LRRFIP1: variants seen among roughly 807,000 people sequenced by gnomAD.
LRRFIP1 encodes LRR binding FLII interacting protein 1.
A neutral mutation model predicts 104.4 loss-of-function variants in LRRFIP1; 62 were observed. The observed-to-expected ratio is 0.59, with a 90% CI of 0.48 to 0.73. The LOEUF is 0.73. LRRFIP1 is among the 30% of genes least tolerant of loss of function. The pLI, the probability that LRRFIP1 is intolerant of heterozygous loss-of-function variation, is 0.00. For synonymous variants in LRRFIP1, 300 were observed against 299.0 expected, an observed-to-expected ratio of 1.00 and a Z score of -0.03; for missense variants, 796 against 824.5, an observed-to-expected ratio of 0.97 and a Z score of 0.42.
intron 1 of LRRFIP1, among the ~76,000 whole-genome samples, chr2:237,677,952 C>G (rs1197360836): frequency 2.0e-5 from 3 of 152,106 alleles, no homozygotes; most frequent in Admixed American, 2.0e-4. Context: ...GTTTAATATG[C>G]TTTATATTAA....
At chr2:237,723,298 G>T (rs1469711873) in intron 6 of LRRFIP1, among the ~76,000 whole-genome samples, 5 of 152,202 alleles carry the variant, frequency 3.3e-5, no homozygotes, top group Non-Finnish European at 7.3e-5. Context: ...TTATCAAACT[G>T]TTTCAGACTT....
intron 1 of LRRFIP1, among the ~76,000 whole-genome samples, chr2:237,645,549 C>G (rs1327616003): frequency 6.6e-6 from 1 of 151,994 alleles, no homozygotes; most frequent in Non-Finnish European, 1.5e-5. Context: ...CAGGAGCTCT[C>G]TCTGTACTCC....
chr2:237,709,377 C>A (rs959741785), intron 2 of LRRFIP1, among the ~76,000 whole-genome samples: 1 of 152,184 alleles, frequency 6.6e-6, no homozygotes, highest in Non-Finnish European at 1.5e-5. Context: ...AGGGACCATC[C>A]ACACTGAGCC....
intron 19 of LRRFIP1, among the ~76,000 whole-genome samples, chr2:237,761,089 G>T (rs12613077): frequency 0.12 from 18,158 of 152,174 alleles, 2,142 homozygotes; most frequent in African/African-American, 0.3. Flanking sequence ...TCATTTTAAT[G>T]TAGAAGCTTT....
At chr2:237,772,763 T>G in intron 21 of LRRFIP1, 103 bp from the exon 22 acceptor site, 1 of 793,002 alleles carries the variant, frequency 1.3e-6, no homozygotes, top group South Asian at 1.6e-5. Flanking sequence ...CTAACAGATT[T>G]GTGAGATGAT....
At position 237,645,493 on chromosome 2, in the gene LRRFIP1, C is replaced by T. The variant is rs1195098707; in HGVS notation, c.96+17753C>T. Among the ~76,000 whole-genome samples, 4 of 151,988 alleles carry T rather than the reference C, an allele frequency of 2.6e-5. No homozygotes were observed. In the South Asian group the frequency reaches 6.2e-4, roughly 24 times the overall value. On this transcript the variant is annotated intron_variant, in intron 1 of 23. Transcript: ENST00000308482. ...TCCCCTCTCCTCCGACTTGCCACCGCCAAAGCCAGCAGTGACAAAGGAGGT... is the reference window on the plus strand; with the variant it reads ...TCCCCTCTCCTCCGACTTGCCACCGTCAAAGCCAGCAGTGACAAAGGAGGT...
intron 1 of LRRFIP1, among the ~76,000 whole-genome samples, chr2:237,687,907 C>A (rs977727844): frequency 6.6e-6 from 1 of 152,200 alleles, no homozygotes; most frequent in East Asian, 1.9e-4. Context: ...AGCTAGTGAA[C>A]CTTGCAACAG....
chr2:237,741,846 A>G (rs2057129015), intron 11 of LRRFIP1, among the ~76,000 whole-genome samples: 1 of 152,148 alleles, frequency 6.6e-6, no homozygotes, highest in Admixed American at 6.5e-5. Context: ...AGAAAAAAGA[A>G]AAAAAAGAAA....
Position 237,781,572 on chromosome 2 carries a change from C to T in LRRFIP1, c.*2040C>T, listed in dbSNP as rs6706635. ...CAGCAAACCAATGTTACACACACTT[C>T]CTAATCCAGAGGAAGCTAGAACACG... On this transcript the variant is annotated 3_prime_UTR_variant, in exon 24 of 24. Transcript: ENST00000308482. 1.5e-3 allele frequency among the ~76,000 whole-genome samples: 223 copies of T among 152,334 alleles called. 2 individuals carry two copies. The highest frequency in any genetic ancestry group is 5.2e-3 in the African/African-American group (218 of 41,574).
chr2:237,742,889 G>C (rs951996563), intron 11 of LRRFIP1, among the ~76,000 whole-genome samples: 16 of 152,120 alleles, frequency 1.1e-4, no homozygotes, highest in Non-Finnish European at 1.3e-4. Flanking sequence ...TCTGAGGCAG[G>C]GAGTTTCAGA....
At chr2:237,656,855 C>T (rs2086902134) in intron 1 of LRRFIP1, among the ~76,000 whole-genome samples, 1 of 152,156 alleles carries the variant, frequency 6.6e-6, no homozygotes, top group Non-Finnish European at 1.5e-5. Context: ...TAATAAAATG[C>T]AACTGCTCCT....
chr2:237,699,224 A>G (rs962823928), intron 1 of LRRFIP1, among the ~76,000 whole-genome samples: 4 of 152,120 alleles, frequency 2.6e-5, no homozygotes, highest in African/African-American at 7.2e-5. Flanking sequence ...TTCAATTTCC[A>G]TGTCGATTGC....
intron 1 of LRRFIP1, among the ~76,000 whole-genome samples, chr2:237,643,198 G>A (rs759314964): frequency 2.6e-5 from 4 of 152,252 alleles, no homozygotes; most frequent in African/African-American, 9.6e-5. Flanking sequence ...GGGCCGCCGC[G>A]CACTCGCTAC....
At chr2:237,716,002 G>A (rs753803417) in intron 3 of LRRFIP1, among the ~76,000 whole-genome samples, 28 of 152,320 alleles carry the variant, frequency 1.8e-4, no homozygotes, top group Admixed American at 3.3e-4. Context: ...CATGAAAAGA[G>A]CAAGTTAGAG....
At chr2:237,678,887 A>C (rs2091482412) in intron 1 of LRRFIP1, among the ~76,000 whole-genome samples, 1 of 152,206 alleles carries the variant, frequency 6.6e-6, no homozygotes, top group African/African-American at 2.4e-5. Flanking sequence ...TATTTACTTA[A>C]ATAATGATTA....
intron 21 of LRRFIP1, chr2:237,772,596 C>G: frequency 1.9e-6 from 1 of 533,476 alleles, no homozygotes; most frequent in East Asian, 3.1e-5. Context: ...TTTTCCCTAC[C>G]CCCTACCATC....
Position 237,719,940 on chromosome 2 carries a change from CTTTTTT to C in LRRFIP1, c.294+393_294+398del, listed in dbSNP as rs57355213. 7.5e-3 allele frequency among the ~76,000 whole-genome samples: 778 copies of C among 103,946 alleles called. 5 individuals carry two copies. The highest frequency in any genetic ancestry group is 0.026 in the African/African-American group (708 of 27,032). 68.2% of individuals were successfully genotyped at this position (103,946 alleles called of 152,430 possible). A position where few individuals can be genotyped will look rare whatever the true frequency, so the allele number is the denominator to read the frequency against. On this transcript the variant is annotated intron_variant, in intron 5 of 23. Coordinates refer to ENST00000308482, the MANE Select transcript of LRRFIP1 (RefSeq NM_001137550.2). ...AAAGAATACTACTTGGATGAAATTACTTTTTTTTTTTTTTTTTTTTTTTTTGAGACA... is the reference window on the plus strand; with the variant it reads ...AAAGAATACTACTTGGATGAAATTACTTTTTTTTTTTTTTTTTTTGAGACA...
Position 237,717,855 on chromosome 2 carries a change from GA to G in LRRFIP1, c.249+48del. The G allele has an allele frequency of 7.2e-7, 1 of 1,390,080 alleles. No individual in the cohort carries two copies. Among genetic ancestry groups the G allele is most frequent in the Non-Finnish European group, 1.0e-6 (1 of 975,714 alleles). The allele number at this position is 1,390,080 out of a possible 1,614,324, so 86.1% of individuals were successfully genotyped here. On this transcript the variant is annotated intron_variant, in intron 4 of 23. Transcript: ENST00000308482. This position sits in a 1 kb window ranked among gnomAD's most constrained non-coding sequence, Gnocchi z 4.2. Reference sequence around the variant, plus strand: ...TGTTTTTACTCTTCCCTCCCCACTTGAATACAGTGTTGAGACTTAAATGGTT... The same window carrying G: ...TGTTTTTACTCTTCCCTCCCCACTTGATACAGTGTTGAGACTTAAATGGTT...
intron 1 of LRRFIP1, among the ~76,000 whole-genome samples, chr2:237,698,193 C>A (rs2093315119): frequency 6.6e-6 from 1 of 152,242 alleles, no homozygotes; most frequent in Non-Finnish European, 1.5e-5. Context: ...AAAACAGACA[C>A]AGTCTGTGGA....
Sources: gnomAD v4.1 joint callset for allele counts (sites outside exome capture counted in the v4.1 genomes callset) on GRCh38, gnomAD v4.1.1 for gene constraint, Gnocchi (gnomAD v3.1) non-coding constraint, MANE v1.5 for transcripts, NCBI Gene and HGNC (gene_info 2026-07-23, HGNC 2026-07-21) for gene names.